DSCAM: variants seen among roughly 807,000 people sequenced by gnomAD.
The protein encoded by DSCAM is cell adhesion molecule DSCAM.
Under a neutral mutation model 217.7 loss-of-function variants are expected in DSCAM, and 47 were observed. The observed-to-expected ratio is 0.22, with a 90% confidence interval of 0.17 to 0.28. The LOEUF (loss-of-function observed/expected upper bound fraction) is 0.28. Among genes scored for constraint, DSCAM ranks in the 10% least tolerant of loss-of-function variants. The pLI, the probability that DSCAM is intolerant of heterozygous loss-of-function variation, is 1.00. For missense variants in DSCAM, 2,080 were observed against 2,618.3 expected, an observed-to-expected ratio of 0.79 and a Z score of 4.49; for synonymous variants, 1,056 against 1,015.3, an observed-to-expected ratio of 1.04 and a Z score of -0.76.
intron 3 of DSCAM, among the ~76,000 whole-genome samples, chr21:40,546,119 T>C (rs1486490910): frequency 6.6e-6 from 1 of 152,190 alleles, no homozygotes; most frequent in Non-Finnish European, 1.5e-5. Flanking sequence ...ACTCAGCGGG[T>C]ACATTCTCCC....
chr21:40,370,279 G>C (rs1257376603), intron 3 of DSCAM, among the ~76,000 whole-genome samples: 1 of 150,888 alleles, frequency 6.6e-6, no homozygotes, highest in Non-Finnish European at 1.5e-5. Flanking sequence ...AAGTAGAGCT[G>C]AGAGTGCCTC....
chr21:40,534,924 C>T (rs2076483426), intron 3 of DSCAM, among the ~76,000 whole-genome samples: 2 of 152,084 alleles, frequency 1.3e-5, no homozygotes, highest in African/African-American at 4.8e-5. Flanking sequence ...GTGGTATCAT[C>T]TAGTAGTGAA....
chr21:40,493,879 A>T (rs28505573), intron 3 of DSCAM, among the ~76,000 whole-genome samples: 76,597 of 135,104 alleles, frequency 0.57, 21,817 homozygotes, highest in African/African-American at 0.68. Context: ...AAAAAAAAAA[A>T]ATATATACAT....
intron 8 of DSCAM, among the ~76,000 whole-genome samples, chr21:40,335,864 G>A (rs939515144): frequency 1.3e-5 from 2 of 152,156 alleles, no homozygotes; most frequent in African/African-American, 4.8e-5. Context: ...CATTTGCACT[G>A]TTGGAGCAAA....
chr21:40,371,806 TAGCGTTTC>T (rs2074902042), intron 3 of DSCAM, among the ~76,000 whole-genome samples: 1 of 152,198 alleles, frequency 6.6e-6, no homozygotes, highest in African/African-American at 2.4e-5. Context: ...CATTTAAGCC[TAGCGTTTC>T]ATTATTGGAA....
intron 1 of DSCAM, among the ~76,000 whole-genome samples, chr21:40,791,177 A>G (rs2091639550): frequency 1.3e-5 from 2 of 151,910 alleles, no homozygotes; most frequent in South Asian, 2.1e-4. Flanking sequence ...AAAGAAAAGA[A>G]AAAGAAATAT....
chr21:40,452,509 T>A (rs994107276), intron 3 of DSCAM, among the ~76,000 whole-genome samples: 1 of 152,078 alleles, frequency 6.6e-6, no homozygotes. Flanking sequence ...AAGTTTAGTT[T>A]CAACAGTTAC....
chr21:40,330,918 G>T (rs957660045), intron 8 of DSCAM, among the ~76,000 whole-genome samples: 1 of 151,842 alleles, frequency 6.6e-6, no homozygotes, highest in Non-Finnish European at 1.5e-5. Flanking sequence ...TATATTTCTC[G>T]TGTATTATTC....
At chr21:40,728,505 G>A (rs762346935) in intron 1 of DSCAM, among the ~76,000 whole-genome samples, 6 of 151,756 alleles carry the variant, frequency 4.0e-5, no homozygotes, top group Non-Finnish European at 7.4e-5. Flanking sequence ...TGCAACCTCC[G>A]TCTCCCGGGT....
At chr21:40,021,389 A>G (rs1211165172) in intron 32 of DSCAM, among the ~76,000 whole-genome samples, 1 of 152,054 alleles carries the variant, frequency 6.6e-6, no homozygotes, top group Admixed American at 6.5e-5. Context: ...ATAAATGTGT[A>G]CCACCCACTT....
At chr21:40,232,083 T>G (rs1193452028) in intron 11 of DSCAM, among the ~76,000 whole-genome samples, 1 of 152,158 alleles carries the variant, frequency 6.6e-6, no homozygotes, top group African/African-American at 2.4e-5. Flanking sequence ...TAATTTTTTT[T>G]GGATTTTATA....
chr21:40,126,418 G>A (rs546396913), intron 19 of DSCAM, among the ~76,000 whole-genome samples: 13 of 152,128 alleles, frequency 8.5e-5, no homozygotes, highest in Admixed American at 7.9e-4. Context: ...GAGAAGAATG[G>A]GACATGTGGA....
intron 8 of DSCAM, among the ~76,000 whole-genome samples, chr21:40,314,914 G>A (rs1344279653): frequency 6.6e-6 from 1 of 152,152 alleles, no homozygotes; most frequent in African/African-American, 2.4e-5. Context: ...AAACTTAGTT[G>A]TGTATCTGAA....
rs775207017 is a variant in DSCAM, at chr21:40,085,694, C to A, written c.4040G>T (p.Arg1347Leu). The change falls in exon 23 of 33, where the codon CGC becomes CTC. Residue 1347 changes from arginine to leucine, a missense_variant. This residue lies in a region of DSCAM where 1,144 missense variants were observed against 1,421.1 expected (regional missense o/e 0.81). Transcript: ENST00000400454. ...SIFSNGSFIIRTVKAEDSGYY... is the reference protein window; with the variant it reads ...SIFSNGSFIILTVKAEDSGYY... ...GCCGGAGTCTTCTGCTTTCACCGTG[C>A]GAATAATGAAGCTTCCGTTGCTAAA... The A allele has an allele frequency of 6.3e-6, 10 of 1,590,200 alleles. No homozygotes were observed. The highest frequency in any genetic ancestry group is 3.4e-5 in the South Asian group (3 of 88,848).
chr21:40,141,452 T>C (rs1017108810), intron 18 of DSCAM, among the ~76,000 whole-genome samples: 3 of 152,000 alleles, frequency 2.0e-5, no homozygotes, highest in African/African-American at 7.2e-5. Context: ...CCATCTCTAC[T>C]AAAAATACTG....
intron 3 of DSCAM, among the ~76,000 whole-genome samples, chr21:40,622,781 T>C (rs905608875): frequency 6.6e-6 from 1 of 151,814 alleles, no homozygotes; most frequent in Non-Finnish European, 1.5e-5. Flanking sequence ...TTCCCAGTCG[T>C]GCTTTCCACT....
At chr21:40,311,964 G>A in intron 9 of DSCAM, 117 bp downstream of exon 9, 1 of 168,476 alleles carries the variant, frequency 5.9e-6, no homozygotes, top group Non-Finnish European at 1.1e-5. Flanking sequence ...TTTTTTTAGT[G>A]AGATAAAACT....
intron 32 of DSCAM, 141 bp from the exon 33 acceptor site, chr21:40,013,527 T>C (rs1477788760): frequency 3.4e-6 from 2 of 591,290 alleles, no homozygotes; most frequent in Non-Finnish European, 5.5e-6. Flanking sequence ...AGATCCTCCT[T>C]CAGCGCTCAC....
At chr21:40,563,820 TTA>T (rs536037707) in intron 3 of DSCAM, among the ~76,000 whole-genome samples, 1,971 of 147,780 alleles carry the variant, frequency 0.013, 37 homozygotes, top group African/African-American at 0.047. Flanking sequence ...GTATATATAG[TTA>T]TATGTTTATA....
Sources: gnomAD v4.1 joint callset for allele counts (sites outside exome capture counted in the v4.1 genomes callset) on GRCh38, gnomAD v4.1.1 for gene constraint, gnomAD v4.1.1 regional missense constraint, MANE v1.5 for transcripts, NCBI Gene and HGNC (gene_info 2026-07-23, HGNC 2026-07-21) for gene names.